TRAPPC10: variants seen among roughly 807,000 people sequenced by gnomAD.
The protein encoded by TRAPPC10 is trafficking protein particle complex subunit 10.
A neutral mutation model predicts 125.5 loss-of-function variants in TRAPPC10; 23 were observed. The observed-to-expected ratio is 0.18, with a 90% CI of 0.13 to 0.26. TRAPPC10 has a LOEUF of 0.26. Ranked by LOEUF, TRAPPC10 falls within the 10% of genes least tolerant of loss-of-function variation. The pLI, the probability that TRAPPC10 is intolerant of heterozygous loss-of-function variation, is 1.00. For missense variants in TRAPPC10, 1,123 were observed against 1,308.4 expected (o/e 0.86, Z 2.19); for synonymous variants, 509 against 518.0 (o/e 0.98, Z 0.24).
intron 4 of TRAPPC10, 67 bp downstream of exon 4, chr21:44,052,543 G>C: frequency 7.0e-7 from 1 of 1,431,494 alleles, no homozygotes; most frequent in Non-Finnish European, 9.5e-7. Flanking sequence ...CTGGCTTCCT[G>C]GGTAGTAATA....
At chr21:44,033,911 C>T (rs1018591020) in intron 2 of TRAPPC10, among the ~76,000 whole-genome samples, 1 of 151,244 alleles carries the variant, frequency 6.6e-6, no homozygotes, top group Non-Finnish European at 1.5e-5. Flanking sequence ...GTATTCATCT[C>T]TTCCCCTTTC....
intron 19 of TRAPPC10, among the ~76,000 whole-genome samples, chr21:44,093,505 C>T (rs2038723907): frequency 6.6e-6 from 1 of 151,648 alleles, no homozygotes; most frequent in South Asian, 2.1e-4. Flanking sequence ...CACCTGTAAT[C>T]CCAGCACTTT....
At chr21:44,080,272 C>CT (rs535677107) in intron 13 of TRAPPC10, 145 bp downstream of exon 13, 3,424 of 593,390 alleles carry the variant, frequency 5.8e-3, no homozygotes, top group East Asian at 6.8e-3. Flanking sequence ...TTTCACCTGA[C>CT]TTTTTTTTTT....
In TRAPPC10 at chr21:44,066,383, C is replaced by A. The variant is rs1314423671; in HGVS notation, c.1038+2598C>A. On this transcript the variant is annotated intron_variant, in intron 7 of 22. Transcript: ENST00000291574. ...GTGCTGCTTACTAGCCTTGCGCACT[C>A]CCTTAATGGAAAATGTGTTAAGAAT... Among the ~76,000 whole-genome samples the A allele has an allele frequency of 3.3e-5, 5 of 152,124 alleles. No individual in the cohort carries two copies. The East Asian group carries it at 9.6e-4, about 29-fold the overall frequency.
chr21:44,023,018 C>G (rs77493502), intron 1 of TRAPPC10, among the ~76,000 whole-genome samples: 1 of 145,498 alleles, frequency 6.9e-6, no homozygotes, highest in Non-Finnish European at 1.5e-5. Context: ...TTCTCATTTC[C>G]CTATGTCTTT....
intron 15 of TRAPPC10, 31 bp downstream of exon 15, chr21:44,084,294 G>C (rs542556213): frequency 1.2e-6 from 2 of 1,606,728 alleles, no homozygotes; most frequent in South Asian, 2.2e-5. Context: ...TTGAGGAGGC[G>C]TGCTGCTGGG....
intron 15 of TRAPPC10, among the ~76,000 whole-genome samples, chr21:44,085,374 A>G (rs1359529379): frequency 6.6e-6 from 1 of 152,200 alleles, no homozygotes; most frequent in Admixed American, 6.5e-5. Flanking sequence ...AAATATGTAT[A>G]TAATTTCCTG....
chr21:44,083,464 C>T (rs557227544), intron 14 of TRAPPC10, among the ~76,000 whole-genome samples, 162 bp downstream of exon 14: 8 of 152,226 alleles, frequency 5.3e-5, no homozygotes, highest in East Asian at 1.9e-4. Flanking sequence ...TGTTTTCTTT[C>T]GTGTTTTATA....
In TRAPPC10 at chr21:44,059,190, T is replaced by G. The variant is rs770694034; in HGVS notation, c.766T>G (p.Tyr256Asp). The change falls in exon 6 of 23, where the codon TAT becomes GAT. Residue 256 changes from tyrosine (Y) to aspartate (D), a missense_variant. Tyr to Asp is a radical substitution (Grantham distance 160). Around this residue, in one of 4 missense-constraint regions of TRAPPC10, gnomAD observed 91 missense variants for 127.1 expected, o/e 0.72. Coordinates refer to ENST00000291574, the MANE Select transcript of TRAPPC10 (RefSeq NM_003274.5). The surrounding 1 kb of genome is among the most constrained non-coding windows in gnomAD (Gnocchi z 4.4). ...YDELDALFSQ[Y>D]VVNFGAGDGA... ...CGAACTGGACGCCCTCTTCTCTCAG[T>G]ATGTGGTCAACTTCGGGGCCGGGGG... 6.2e-7 allele frequency: 1 copy of G among 1,610,452 alleles called. No homozygotes were observed. The highest frequency in any genetic ancestry group is 2.2e-5 in the East Asian group (1 of 44,842).
chr21:44,093,656 G>C (rs1335952855), intron 19 of TRAPPC10, among the ~76,000 whole-genome samples: 1 of 151,742 alleles, frequency 6.6e-6, no homozygotes, highest in African/African-American at 2.4e-5. Context: ...TACTCGGGAG[G>C]CTGATGCGGA....
Position 44,063,261 on chromosome 21 carries a change from T to G in TRAPPC10, c.791-277T>G. On this transcript the variant is annotated intron_variant, in intron 6 of 22. Coordinates refer to ENST00000291574, the MANE Select transcript of TRAPPC10 (RefSeq NM_003274.5). The surrounding 1 kb of genome is among the most constrained non-coding windows in gnomAD (Gnocchi z 4.4). ...CCTGAGCTCCCCTAACCATGTAGCC[T>G]GTCTGTCTCTGGGTGACTTCCCAAC... 1.6e-6 allele frequency: 2 copies of G among 1,250,632 alleles called. No homozygotes were observed. Among genetic ancestry groups the G allele is most frequent in the Non-Finnish European group, 2.1e-6 (2 of 973,484 alleles). The allele number at this position is 1,250,632 out of a possible 1,614,324, so 77.5% of individuals were successfully genotyped here. A position where few individuals can be genotyped will look rare whatever the true frequency, so the allele number is the denominator to read the frequency against.
chr21:44,029,190 G>T (rs1453589592), intron 1 of TRAPPC10, among the ~76,000 whole-genome samples: 2 of 152,196 alleles, frequency 1.3e-5, no homozygotes, highest in African/African-American at 4.8e-5. Flanking sequence ...CGCCTCCCGG[G>T]TTCACACCAT....
At position 44,092,026 on chromosome 21, in the gene TRAPPC10, C is replaced by A. The variant is rs1230036183; in HGVS notation, c.2974C>A (p.Pro992Thr). ...TGATAGTACCGACCTGCAACTAGTA[C>A]CACTGAACACGCAGTCCCAGCAGGT... ...TGDSTDLQLV[P>T]LNTQSQQPIY... The change falls in exon 19 of 23, where the codon CCA (proline) becomes ACA (threonine). Residue 992 changes from proline to threonine, a missense_variant. This residue lies in a region of TRAPPC10 where 840 missense variants were observed against 902.0 expected (regional missense o/e 0.93). Transcript: ENST00000291574. The A allele has an allele frequency of 2.5e-6, 4 of 1,614,160 alleles. No individual in the cohort carries two copies. The highest frequency in any genetic ancestry group is 1.1e-5 in the South Asian group (1 of 91,080).
intron 7 of TRAPPC10, among the ~76,000 whole-genome samples, chr21:44,072,149 T>A (rs1310782577): frequency 6.6e-6 from 1 of 152,252 alleles, no homozygotes; most frequent in Non-Finnish European, 1.5e-5. Flanking sequence ...AACTATTCTA[T>A]AATCATGCCA....
chr21:44,049,541 C>T (rs2035091849), intron 3 of TRAPPC10, among the ~76,000 whole-genome samples: 2 of 152,228 alleles, frequency 1.3e-5, no homozygotes, highest in Non-Finnish European at 2.9e-5. Flanking sequence ...GCATCCCTGT[C>T]TGGGGGATGC....
Position 44,037,819 on chromosome 21 carries a change from T to A in TRAPPC10, c.177T>A (p.Ile59=). The stretch of plus-strand genomic sequence containing the variant: ...CCTATGGCCGGGCTCCGAAGATGAT[T>A]CACCTAGAGTCTAACTTTGTTCAAT... ...RRSYGRAPKM[I]HLESNFVQFK... The change falls in exon 3 of 23, where the codon ATT becomes ATA. Residue 59 remains isoleucine (I), a synonymous_variant. Transcript: ENST00000291574. 1 of 1,613,990 alleles carries A rather than the reference T, an allele frequency of 6.2e-7. No homozygotes were observed. The highest frequency in any genetic ancestry group is 2.2e-5 in the East Asian group (1 of 44,884).
At chr21:44,026,838 A>G (rs1210985600) in intron 1 of TRAPPC10, among the ~76,000 whole-genome samples, 2 of 152,160 alleles carry the variant, frequency 1.3e-5, no homozygotes, top group African/African-American at 4.8e-5. Context: ...ACTTTCTGTC[A>G]TTCTTCACCC....
chr21:44,047,040 A>G (rs960365674), intron 3 of TRAPPC10: 9 of 716,632 alleles, frequency 1.3e-5, no homozygotes, highest in Non-Finnish European at 1.8e-5. Flanking sequence ...ACTGCCAGCC[A>G]TTTCGAATTC....
At position 44,063,177 on chromosome 21, in the gene TRAPPC10, A is replaced by G; in HGVS notation, c.791-361A>G. ...TGCACTCCAGCCCACAGGTAAAGAT[A>G]AGGAAGCCCAGCCCCGCTGCAGCCT... is the stretch of plus-strand genomic sequence containing the variant. On this transcript the variant is annotated intron_variant, in intron 6 of 22. Transcript: ENST00000291574. The surrounding 1 kb of genome is among the most constrained non-coding windows in gnomAD (Gnocchi z 4.4). 1 of 1,293,366 alleles carries G rather than the reference A, an allele frequency of 7.7e-7. No individual in the cohort carries two copies. The highest frequency in any genetic ancestry group is 1.3e-5 in the South Asian group (1 of 78,412). 80.1% of individuals were successfully genotyped at this position (1,293,366 alleles called of 1,614,324 possible). A position where few individuals can be genotyped will look rare whatever the true frequency, so the allele number is the denominator to read the frequency against.
Sources: gnomAD v4.1 joint callset for allele counts (sites outside exome capture counted in the v4.1 genomes callset) on GRCh38, gnomAD v4.1.1 for gene constraint, gnomAD v4.1.1 regional missense constraint, Gnocchi (gnomAD v3.1) non-coding constraint, MANE v1.5 for transcripts, NCBI Gene and HGNC (gene_info 2026-07-23, HGNC 2026-07-21) for gene names.